GUCY2F: variants seen among roughly 807,000 people sequenced by gnomAD.
GUCY2F encodes the protein retinal guanylyl cyclase 2.
GUCY2F carries 61 observed loss-of-function variants against 73.1 expected under a neutral mutation model. The ratio of observed to expected loss-of-function variants is 0.83; its 90% CI spans 0.68 to 1.03. GUCY2F has a LOEUF of 1.03. Among genes scored for constraint, GUCY2F ranks in the 50% least tolerant of loss-of-function variants. GUCY2F has a pLI of 0.00. For synonymous variants in GUCY2F, 331 were observed against 307.8 expected (o/e 1.08, Z -0.79); for missense variants, 912 against 854.3 (o/e 1.07, Z -0.84).
intron 8 of GUCY2F, among the ~76,000 whole-genome samples, chrX:109,429,414 C>CA (rs60670014): frequency 0.035 from 1,471 of 41,795 alleles, 19 homozygotes; most frequent in Admixed American, 0.086. Context: ...AATTCCAGCT[C>CA]AAAAAAAAAA....
At chrX:109,461,896 G>A (rs959733040) in intron 3 of GUCY2F, among the ~76,000 whole-genome samples, 2 of 112,377 alleles carry the variant, frequency 1.8e-5, no homozygotes, top group African/African-American at 6.5e-5. Flanking sequence ...TTGACCTGTT[G>A]ACCAAATAGG....
intron 8 of GUCY2F, among the ~76,000 whole-genome samples, chrX:109,427,384 A>C (rs1416867354): frequency 8.9e-6 from 1 of 112,300 alleles, no homozygotes; most frequent in Non-Finnish European, 1.9e-5. Context: ...GGGGAAGAAC[A>C]TGAGACTAAG....
intron 5 of GUCY2F, among the ~76,000 whole-genome samples, chrX:109,448,970 T>C (rs1932082327): frequency 8.9e-6 from 1 of 112,144 alleles, no homozygotes; most frequent in African/African-American, 3.2e-5. Flanking sequence ...TAGGAGTTTA[T>C]GATGTGTATT....
Position 109,449,805 on chromosome X carries a change from T to C in GUCY2F, c.1473-1640A>G, listed in dbSNP as rs372202164. Among the ~76,000 whole-genome samples, 11 of 111,884 alleles carry C rather than the reference T, an allele frequency of 9.8e-5. No homozygotes were observed. In the East Asian group the frequency reaches 1.4e-3, roughly 14 times the overall value. ...AGTATAACAAAGCGCGGGAGAGCTT[T>C]ATAGAAAGGCGATGCAATCTGGTTC... On this transcript the variant is annotated intron_variant, in intron 5 of 19. Coordinates refer to ENST00000218006, the MANE Select transcript of GUCY2F (RefSeq NM_001522.3).
chrX:109,431,080 AAAC>A (rs1462597944), intron 7 of GUCY2F, among the ~76,000 whole-genome samples: 5 of 111,735 alleles, frequency 4.5e-5, no homozygotes, highest in East Asian at 5.6e-4. Flanking sequence ...GTCAAGTTAA[AAAC>A]AACAACTATT....
Position 109,385,278 on chromosome X carries a change from C to A in GUCY2F, c.2961G>T (p.Pro987=), listed in dbSNP as rs761664456. 4 of 1,136,984 alleles carry A rather than the reference C, an allele frequency of 3.5e-6. No homozygotes were observed. The highest frequency in any genetic ancestry group is 4.8e-6 in the Non-Finnish European group (4 of 829,530). 93.7% of individuals were successfully genotyped at this position (1,136,984 alleles called of 1,213,427 possible). A position where few individuals can be genotyped will look rare whatever the true frequency, so the allele number is the denominator to read the frequency against. The part of the protein sequence containing the change: ...VRIRIGLHSG[P]VVAGVVGLTM... Reference sequence around the variant, plus strand: ...TGAGGCCCACCACTCCAGCAACAACCGGCCCTATAGAGTATCAGGGGGTTG... The same window carrying A: ...TGAGGCCCACCACTCCAGCAACAACAGGCCCTATAGAGTATCAGGGGGTTG... The change falls in exon 16 of 20, where the codon CCG becomes CCT. Residue 987 remains proline (P), a synonymous_variant. Transcript: ENST00000218006.
chrX:109,403,424 A>G (rs1194960039), intron 10 of GUCY2F, among the ~76,000 whole-genome samples: 2 of 111,919 alleles, frequency 1.8e-5, no homozygotes, highest in Non-Finnish European at 3.8e-5. Context: ...CCATGGGAGA[A>G]AAAGAAAAGC....
intron 17 of GUCY2F, among the ~76,000 whole-genome samples, chrX:109,381,048 C>T (rs982571596): frequency 8.9e-6 from 1 of 111,941 alleles, no homozygotes; most frequent in African/African-American, 3.2e-5. Flanking sequence ...TTGTAAGTGA[C>T]TCATCCAACC....
chrX:109,410,371 G>A (rs1441240275), intron 8 of GUCY2F, among the ~76,000 whole-genome samples: 1 of 112,150 alleles, frequency 8.9e-6, no homozygotes, highest in Non-Finnish European at 1.9e-5. Context: ...ATGTAGAATA[G>A]GTTGTCTTTC....
At chrX:109,413,907 T>C (rs1247761801) in intron 8 of GUCY2F, among the ~76,000 whole-genome samples, 3 of 111,424 alleles carry the variant, frequency 2.7e-5, no homozygotes, top group Non-Finnish European at 5.7e-5. Flanking sequence ...CCCGCAGCTA[T>C]ATCAGCAATT....
intron 3 of GUCY2F, among the ~76,000 whole-genome samples, chrX:109,462,177 G>T (rs912671732): frequency 1.8e-5 from 2 of 112,637 alleles, no homozygotes; most frequent in East Asian, 5.6e-4. Context: ...ATGTTACTTT[G>T]TTTAATTTTC....
chrX:109,391,329 C>T (rs1030350938), intron 14 of GUCY2F, among the ~76,000 whole-genome samples: 1 of 111,243 alleles, frequency 9.0e-6, no homozygotes, highest in African/African-American at 3.3e-5. Context: ...TAATCACTTC[C>T]CCAGACCTCA....
rs1931956948 is a variant in GUCY2F at position 109,444,651 on chromosome X, C to T, written c.1570-3169G>A. On this transcript the variant is annotated intron_variant, in intron 6 of 19. Transcript: ENST00000218006. ...GTTTCCTCTGCCTAGGACACCTCGC[C>T]TATGGGGCCAGACAGGTAATATAAA... Among the ~76,000 whole-genome samples the T allele has an allele frequency of 2.7e-5, 3 of 111,400 alleles. 1 individual carries two copies. The highest frequency in any genetic ancestry group is 5.7e-5 in the Non-Finnish European group (3 of 53,035).
At chrX:109,408,060 C>A (rs1331956908) in intron 9 of GUCY2F, among the ~76,000 whole-genome samples, 3 of 112,106 alleles carry the variant, frequency 2.7e-5, no homozygotes, top group African/African-American at 6.5e-5. Flanking sequence ...GGAAAAGCCA[C>A]ACACACTCAA....
intron 6 of GUCY2F, among the ~76,000 whole-genome samples, chrX:109,446,389 AG>A (rs1932010026): frequency 8.9e-6 from 1 of 112,190 alleles, no homozygotes; most frequent in Non-Finnish European, 1.9e-5. Context: ...ACAAGGCTAC[AG>A]TAACCAAAAC....
At chrX:109,418,395 A>G (rs1353849196) in intron 8 of GUCY2F, among the ~76,000 whole-genome samples, 2 of 112,047 alleles carry the variant, frequency 1.8e-5, no homozygotes, top group Non-Finnish European at 3.8e-5. Flanking sequence ...AGTAACACAG[A>G]CCACATGCTT....
chrX:109,453,720 T>C lies in GUCY2F; in HGVS notation c.1172A>G (p.Asn391Ser), dbSNP rs1441748640. 8.3e-7 allele frequency: 1 copy of C among 1,202,991 alleles called. No homozygotes were observed. The highest frequency in any genetic ancestry group is 1.8e-5 in the South Asian group (1 of 56,821). The change falls in exon 4 of 20, where the codon AAC (asparagine) becomes AGC (serine). Residue 391 changes from asparagine (N) to serine (S), a missense_variant. Physicochemically the swap from Asn to Ser is conservative, Grantham distance 46. Coordinates refer to ENST00000218006, the MANE Select transcript of GUCY2F (RefSeq NM_001522.3). ...HSRNMQFHGF[N>S]QLMRTDSNGN... Reference sequence around the variant, plus strand: ...ATTTGAATCTGTCCTCATCAACTGGTTGAATCCATGGAACTGCATGTTTCT... The same window carrying C: ...ATTTGAATCTGTCCTCATCAACTGGCTGAATCCATGGAACTGCATGTTTCT...
At chrX:109,473,446 A>T (rs1024393946) in intron 2 of GUCY2F, among the ~76,000 whole-genome samples, 13 of 112,035 alleles carry the variant, frequency 1.2e-4, no homozygotes, top group African/African-American at 3.9e-4. Context: ...GCACGTTACA[A>T]GCGCCCGGGA....
intron 8 of GUCY2F, among the ~76,000 whole-genome samples, chrX:109,429,787 C>T (rs776612229): frequency 3.6e-5 from 4 of 111,877 alleles, no homozygotes; most frequent in Non-Finnish European, 7.5e-5. Context: ...CTTAAGCAAG[C>T]CATCCAAGGA....
Sources: gnomAD v4.1 joint callset for allele counts (sites outside exome capture counted in the v4.1 genomes callset) on GRCh38, gnomAD v4.1.1 for gene constraint, MANE v1.5 for transcripts, NCBI Gene and HGNC (gene_info 2026-07-23, HGNC 2026-07-21) for gene names.